Variants in WNK2 observed in about 807,000 individuals in gnomAD.
WNK2 encodes the protein serine/threonine-protein kinase WNK2.
A neutral mutation model predicts 192.1 loss-of-function variants in WNK2; 67 were observed. The ratio of observed to expected loss-of-function variants is 0.35; its 90% CI spans 0.29 to 0.43. The LOEUF is 0.43. Ranked by LOEUF, WNK2 falls within the 20% of genes least tolerant of loss-of-function variation. The pLI, the probability that WNK2 is intolerant of heterozygous loss-of-function variation, is 1.00. For synonymous variants in WNK2, 1,439 were observed against 1,393.9 expected, an observed-to-expected ratio of 1.03 and a Z score of -0.72; for missense variants, 2,698 against 3,089.7, an observed-to-expected ratio of 0.87 and a Z score of 3.01.
chr9:93,312,794 GAGTT>G (rs1490319871), intron 28 of WNK2, among the ~76,000 whole-genome samples: 2 of 152,150 alleles, frequency 1.3e-5, no homozygotes, highest in Non-Finnish European at 2.9e-5. Flanking sequence ...TGCAGCATAA[GAGTT>G]AGCCTTCATC....
At chr9:93,207,218 CT>C (rs765531031) in intron 2 of WNK2, among the ~76,000 whole-genome samples, 4 of 152,322 alleles carry the variant, frequency 2.6e-5, no homozygotes, top group Non-Finnish European at 4.4e-5. Flanking sequence ...CCTGACAAAC[CT>C]TAAGTCCCAA....
At chr9:93,254,093 T>G (rs1325261930) in intron 9 of WNK2, among the ~76,000 whole-genome samples, 2 of 152,134 alleles carry the variant, frequency 1.3e-5, no homozygotes, top group East Asian at 3.9e-4. Context: ...ATTTTTGTGT[T>G]TTTAGTAGAC....
At chr9:93,281,890 C>T (rs892621188) in intron 19 of WNK2, among the ~76,000 whole-genome samples, 2 of 152,022 alleles carry the variant, frequency 1.3e-5, no homozygotes, top group African/African-American at 4.8e-5. Context: ...CCTCAAATAT[C>T]GGTAAAAGGA....
intron 23 of WNK2, 126 bp downstream of exon 23, chr9:93,293,299 C>T: frequency 1.2e-6 from 1 of 847,266 alleles, no homozygotes; most frequent in Non-Finnish European, 1.7e-6. Flanking sequence ...AGCTGCCAAG[C>T]AGGGACAGGG....
intron 8 of WNK2, among the ~76,000 whole-genome samples, chr9:93,250,300 G>T (rs771151723): frequency 1.3e-5 from 2 of 151,918 alleles, no homozygotes; most frequent in African/African-American, 4.8e-5. Context: ...CATGCAAATG[G>T]ACACATATGT....
intron 23 of WNK2, among the ~76,000 whole-genome samples, chr9:93,294,945 G>A (rs1395253344): frequency 6.6e-6 from 1 of 152,198 alleles, no homozygotes; most frequent in East Asian, 1.9e-4. Context: ...GAGGTGACTT[G>A]GCATCTGATA....
At chr9:93,241,686 A>T (rs1840789556) in intron 7 of WNK2, among the ~76,000 whole-genome samples, 2 of 152,124 alleles carry the variant, frequency 1.3e-5, no homozygotes, top group South Asian at 4.1e-4. Context: ...GGGCCCTTGG[A>T]GCCAGGAATG....
At chr9:93,226,135 C>G (rs1837773851) in intron 2 of WNK2, among the ~76,000 whole-genome samples, 1 of 152,246 alleles carries the variant, frequency 6.6e-6, no homozygotes, top group South Asian at 2.1e-4. Context: ...CGCCCAGTGT[C>G]TCTGGTGAGA....
intron 19 of WNK2, among the ~76,000 whole-genome samples, chr9:93,287,384 CGTG>C (rs1273206904): frequency 6.6e-6 from 1 of 152,170 alleles, no homozygotes; most frequent in Non-Finnish European, 1.5e-5. Context: ...CAGTGTTAGT[CGTG>C]GTCCCACCCA....
At chr9:93,241,717 G>GT (rs1840797758) in intron 7 of WNK2, among the ~76,000 whole-genome samples, 1 of 152,174 alleles carries the variant, frequency 6.6e-6, no homozygotes, top group African/African-American at 2.4e-5. Flanking sequence ...AGTGAGCTGC[G>GT]TGTTTGTCAC....
At chr9:93,214,493 G>A (rs1484731686) in intron 2 of WNK2, among the ~76,000 whole-genome samples, 3 of 151,914 alleles carry the variant, frequency 2.0e-5, no homozygotes, top group East Asian at 3.9e-4. Flanking sequence ...TAGTAGAGAC[G>A]GGGTTTCACC....
chr9:93,290,475 G>C (rs1475151299), intron 21 of WNK2, among the ~76,000 whole-genome samples: 1 of 152,144 alleles, frequency 6.6e-6, no homozygotes, highest in African/African-American at 2.4e-5. Flanking sequence ...AACCTACTGA[G>C]TTCTAGAAGG....
intron 9 of WNK2, 68 bp from the exon 10 acceptor site, chr9:93,256,231 G>A (rs1843262226): frequency 2.1e-6 from 3 of 1,418,286 alleles, no homozygotes; most frequent in African/African-American, 2.9e-5. Flanking sequence ...AGGCTACCCT[G>A]CCCCTGCCCA....
intron 26 of WNK2, among the ~76,000 whole-genome samples, chr9:93,303,359 G>A (rs1851940235): frequency 6.6e-6 from 1 of 152,164 alleles, no homozygotes; most frequent in Non-Finnish European, 1.5e-5. Flanking sequence ...ACCTGACCGG[G>A]CATGTTCTGG....
Position 93,247,650 on chromosome 9 carries a change from G to A in WNK2, c.1650G>A (p.Leu550=). 1 of 1,584,640 alleles carries A rather than the reference G, an allele frequency of 6.3e-7. No individual in the cohort carries two copies. The highest frequency in any genetic ancestry group is 8.6e-7 in the Non-Finnish European group (1 of 1,165,794). ...QWRRERIWPA[L]QPKEQQDVGS... is the part of the protein sequence containing the mutation. Reference sequence around the variant, plus strand: ...GGCGGGAGAGGATCTGGCCCGCGCTGCAGCCCAAGGAGCAGCAGGATGTGG... The same window carrying A: ...GGCGGGAGAGGATCTGGCCCGCGCTACAGCCCAAGGAGCAGCAGGATGTGG... Residue 550 remains leucine, a synonymous_variant, in exon 8 of 30, where the codon CTG becomes CTA. Transcript: ENST00000427277. The surrounding 1 kb of genome is among the most constrained non-coding windows in gnomAD (Gnocchi z 5.2).
At chr9:93,186,537 G>C (rs1243021832) in intron 2 of WNK2, among the ~76,000 whole-genome samples, 3 of 152,216 alleles carry the variant, frequency 2.0e-5, no homozygotes, top group African/African-American at 7.2e-5. Flanking sequence ...GGAGGTGTAA[G>C]TGTACTCTGT....
chr9:93,239,012 G>C lies in WNK2; in HGVS notation c.1322+691G>C, dbSNP rs534489342. On this transcript the variant is annotated intron_variant, in intron 6 of 29. Transcript: ENST00000427277. This position sits in a 1 kb window ranked among gnomAD's most constrained non-coding sequence, Gnocchi z 4.2. ...CACAGGTGACTCTGGAGCACACACA[G>C]AGGAAGCCAGGCCCCAAAGAGTGCG... 8.5e-5 allele frequency among the ~76,000 whole-genome samples: 13 copies of C among 152,198 alleles called. No homozygotes were observed. Among genetic ancestry groups the C allele is most frequent in the Admixed American group, 3.3e-4 (5 of 15,280 alleles).
At position 93,185,140 on chromosome 9, in the gene WNK2, C is replaced by G. The variant is rs1011758551; in HGVS notation, c.211C>G (p.Leu71Val). 3 of 1,301,744 alleles carry G rather than the reference C, an allele frequency of 2.3e-6. No homozygotes were observed. The highest frequency in any genetic ancestry group is 3.1e-5 in the African/African-American group (2 of 64,278). 80.6% of individuals were successfully genotyped at this position (1,301,744 alleles called of 1,614,324 possible). ...GCCGGGCCCGCAGCCCCCGCAGCCC[C>G]TGCAGCGCCGGGTGCTTCTGCTCTG... Reference protein sequence around the residue: ...EAPGPQPPQPLQRRVLLLCKT... With the variant: ...EAPGPQPPQPVQRRVLLLCKT... The change falls in exon 2 of 30, where the codon CTG becomes GTG. Residue 71 changes from leucine to valine, a missense_variant. By Grantham distance (32) the Leu-to-Val change is conservative. Around this residue, in one of 7 missense-constraint regions of WNK2, gnomAD observed 260 missense variants for 285.6 expected, o/e 0.91. Transcript: ENST00000427277.
chr9:93,262,856 C>T (rs1412352378), intron 14 of WNK2, 137 bp downstream of exon 14: 1 of 943,734 alleles, frequency 1.1e-6, no homozygotes, highest in African/African-American at 1.6e-5. Flanking sequence ...TTTTTCAAAC[C>T]TGACCTGGTG....
Sources: gnomAD v4.1 joint callset for allele counts (sites outside exome capture counted in the v4.1 genomes callset) on GRCh38, gnomAD v4.1.1 for gene constraint, gnomAD v4.1.1 regional missense constraint, Gnocchi (gnomAD v3.1) non-coding constraint, MANE v1.5 for transcripts, NCBI Gene and HGNC (gene_info 2026-07-23, HGNC 2026-07-21) for gene names.